Variants in GPHN observed in about 807,000 individuals in gnomAD.
The protein encoded by GPHN is gephyrin.
A neutral mutation model predicts 95.5 loss-of-function variants in GPHN; 17 were observed. The ratio of observed to expected loss-of-function variants is 0.18; its 90% CI spans 0.12 to 0.27. The LOEUF (loss-of-function observed/expected upper bound fraction) is 0.27, where lower values mean the gene tolerates loss of function less well. GPHN is among the 10% of genes least tolerant of loss of function. The pLI, the probability that GPHN is intolerant of heterozygous loss-of-function variation, is 1.00. For synonymous variants in GPHN, 320 were observed against 322.5 expected (o/e 0.99, Z 0.08); for missense variants, 660 against 978.1 (o/e 0.67, Z 4.34).
chr14:67,104,468 G>A (rs1248684821), intron 13 of GPHN, among the ~76,000 whole-genome samples: 2 of 152,132 alleles, frequency 1.3e-5, no homozygotes, highest in Non-Finnish European at 2.9e-5. Context: ...GTAGGATTAA[G>A]CAGTGAAGTC....
chr14:67,489,881 T>C, the GPHN span, among the ~76,000 whole-genome samples: 2 of 151,980 alleles, frequency 1.3e-5, no homozygotes, highest in African/African-American at 2.4e-5. Flanking sequence ...TCCCAGCTAC[T>C]TGGGAGGCTG....
the GPHN span, chr14:67,729,257 CCCTGCTCTG>C: frequency 1.1e-5 from 18 of 1,608,970 alleles, no homozygotes; most frequent in Non-Finnish European, 1.5e-5. Flanking sequence ...CGGCACTCCT[CCCTGCTCTG>C]CCTGCTCTGG....
intron 9 of GPHN, among the ~76,000 whole-genome samples, chr14:66,991,748 T>C (rs1391743974): frequency 2.6e-5 from 4 of 151,424 alleles, no homozygotes; most frequent in Admixed American, 1.3e-4. Context: ...GGCATATGCC[T>C]ATAATCCCAG....
intron 1 of GPHN, among the ~76,000 whole-genome samples, chr14:66,601,467 G>A (rs2062239911): frequency 6.6e-6 from 1 of 151,916 alleles, no homozygotes; most frequent in Admixed American, 6.6e-5. Context: ...TTTGGGAATA[G>A]GAAAGTGATG....
intron 1 of GPHN, among the ~76,000 whole-genome samples, chr14:66,608,877 T>C (rs1852473043): frequency 6.6e-6 from 1 of 152,180 alleles, no homozygotes. Context: ...TTCGGTATTG[T>C]TACATGTGAG....
chr14:67,248,541 T>C, the GPHN span, among the ~76,000 whole-genome samples: 5 of 152,224 alleles, frequency 3.3e-5, no homozygotes, highest in Non-Finnish European at 5.9e-5. Flanking sequence ...TATAATTTTA[T>C]AGTTTCTTCT....
At chr14:67,587,985 T>C in the GPHN span, 8 of 152,612 alleles carry the variant, frequency 5.2e-5, no homozygotes, top group South Asian at 6.2e-4. Context: ...TGGGCTGCCT[T>C]TCCCAAATGG....
At chr14:66,509,376 C>T (rs978901324) in intron 1 of GPHN, 1 of 152,364 alleles carries the variant, frequency 6.6e-6, no homozygotes, top group African/African-American at 2.4e-5. Flanking sequence ...CTGGGAACCC[C>T]CACCCCGGTA....
chr14:67,167,885 A>G (rs1387098160), intron 20 of GPHN, among the ~76,000 whole-genome samples: 2 of 152,178 alleles, frequency 1.3e-5, no homozygotes, highest in Admixed American at 6.5e-5. Context: ...AAGAAATCAA[A>G]TCTGTTATTT....
chr14:66,782,390 G>C (rs1410624895), intron 3 of GPHN, among the ~76,000 whole-genome samples: 1 of 152,128 alleles, frequency 6.6e-6, no homozygotes, highest in Non-Finnish European at 1.5e-5. Flanking sequence ...GATTGCTCCA[G>C]ATAACATTAT....
the GPHN span, among the ~76,000 whole-genome samples, chr14:67,426,652 C>T: frequency 9.2e-5 from 14 of 152,134 alleles, no homozygotes; most frequent in African/African-American, 3.4e-4. Flanking sequence ...CTTGGCTCAC[C>T]GCAACCTCCG....
chr14:67,021,308 G>C (rs1334026556), intron 9 of GPHN, among the ~76,000 whole-genome samples: 1 of 152,004 alleles, frequency 6.6e-6, no homozygotes, highest in Non-Finnish European at 1.5e-5. Flanking sequence ...GGTTCAAATA[G>C]CCAATGTAAT....
intron 18 of GPHN, among the ~76,000 whole-genome samples, chr14:67,144,250 A>AAATATATATAT (rs1168342196): frequency 2.1e-3 from 120 of 57,706 alleles, no homozygotes; most frequent in Non-Finnish European, 3.1e-3. Flanking sequence ...AAAAAAAAAA[A>AAATATATATAT]ATATATATAT....
At chr14:67,577,797 TATGTA>T in the GPHN span, among the ~76,000 whole-genome samples, 5 of 152,322 alleles carry the variant, frequency 3.3e-5, no homozygotes, top group African/African-American at 1.2e-4. Flanking sequence ...TTGTCTTGTT[TATGTA>T]ATGTAATGAG....
At chr14:66,533,519 G>A (rs2059023103) in intron 1 of GPHN, among the ~76,000 whole-genome samples, 2 of 152,188 alleles carry the variant, frequency 1.3e-5, no homozygotes, top group Admixed American at 6.5e-5. Context: ...CACAGAGGAA[G>A]GAACAATTAA....
At chr14:66,679,405 A>G (rs74393480) in intron 1 of GPHN, among the ~76,000 whole-genome samples, 4,817 of 151,738 alleles carry the variant, frequency 0.032, 102 homozygotes, top group Middle Eastern at 0.13. Context: ...CAGCATTTTG[A>G]GTGTTGGTTG....
At chr14:67,557,810 G>A in the GPHN span, among the ~76,000 whole-genome samples, 1,341 of 152,350 alleles carry the variant, frequency 8.8e-3, 63 homozygotes, top group Admixed American at 0.079. Flanking sequence ...TGTCAGGCAC[G>A]TGGTCAGTAC....
chr14:66,897,519 C>T lies in GPHN; in HGVS notation c.389+17486C>T, dbSNP rs1320151755. ...GCCCCCCTTTCCTAAACTCTGGCAA[C>T]CACTAATCTATTTTCTAGTTCAATA... On this transcript the variant is annotated intron_variant, in intron 5 of 22. Transcript: ENST00000478722. Among the ~76,000 whole-genome samples the T allele has an allele frequency of 5.3e-5, 8 of 152,050 alleles. No homozygotes were observed. The East Asian group carries it at 1.5e-3, about 29-fold the overall frequency.
chr14:67,360,548 T>TA, the GPHN span: 1 of 224,644 alleles, frequency 4.5e-6, no homozygotes, highest in East Asian at 8.9e-5. Flanking sequence ...CCCGGGCTAA[T>TA]ACCTCCCTTT....
Sources: gnomAD v4.1 joint callset for allele counts (sites outside exome capture counted in the v4.1 genomes callset) on GRCh38, gnomAD v4.1.1 for gene constraint, MANE v1.5 for transcripts, NCBI Gene and HGNC (gene_info 2026-07-23, HGNC 2026-07-21) for gene names.